Variants in ZNF469 observed in about 807,000 individuals in gnomAD.
ZNF469 encodes the protein zinc finger protein 469.
Under a neutral mutation model 1.0 loss-of-function variants are expected in ZNF469, and 1 was observed. That is an observed-to-expected ratio of 1.00 (90% CI 0.35 to 4.73). The LOEUF is 4.73. ZNF469 is among the 30% of genes most tolerant of loss of function. The pLI is 0.16. For synonymous variants in ZNF469, 2,703 were observed against 2,363.4 expected, an observed-to-expected ratio of 1.14 and a Z score of -4.17; for missense variants, 6,100 against 5,356.3, an observed-to-expected ratio of 1.14 and a Z score of -4.33.
the ZNF469 span, among the ~76,000 whole-genome samples, chr16:88,372,069 CACCATCACCACCATCAT>C: frequency 3.3e-3 from 29 of 8,898 alleles, no homozygotes; most frequent in Non-Finnish European, 6.8e-3. Context: ...CCACCATCAT[CACCATCACCACCATCAT>C]CACCATCACC....
chr16:88,360,381 T>C, the ZNF469 span, among the ~76,000 whole-genome samples: 2 of 152,170 alleles, frequency 1.3e-5, no homozygotes, highest in Non-Finnish European at 2.9e-5. Context: ...CGCCATTCAG[T>C]GAGGTCCAAT....
chr16:88,429,110 T>C lies in ZNF469; in HGVS notation c.1640T>C (p.Leu547Pro), dbSNP rs1905926907. 6.5e-7 allele frequency: 1 copy of C among 1,549,910 alleles called. No individual in the cohort carries two copies. The highest frequency in any genetic ancestry group is 8.7e-7 in the Non-Finnish European group (1 of 1,146,860). The change falls in exon 3 of 3, where the codon CTG becomes CCG. Residue 547 changes from leucine to proline, a missense_variant. By Grantham distance (98) the Leu-to-Pro change is moderately conservative. Coordinates refer to ENST00000565624, the MANE Select transcript of ZNF469 (RefSeq NM_001367624.2). ...VRSSQGGSPA[L>P]FTYNGMTDPG... ...AGCAGCCAGGGCGGCTCCCCAGCAC[T>C]GTTCACCTACAACGGAATGACAGAC... is the stretch of plus-strand genomic sequence containing the variant.
chr16:88,434,580 G>A lies in ZNF469; in HGVS notation c.7110G>A (p.Met2370Ile). Residue 2370 changes from methionine (M) to isoleucine (I), a missense_variant, in exon 3 of 3, where the codon ATG (methionine) becomes ATA (isoleucine). Physicochemically the swap from Met to Ile is conservative, Grantham distance 10. Coordinates refer to ENST00000565624, the MANE Select transcript of ZNF469 (RefSeq NM_001367624.2). The stretch of plus-strand genomic sequence containing the variant: ...CCCCCGCCTGCCTGGAAGGTGAGAT[G>A]GGGACCAGCAGCAAGGAGCCGGAGG... ...PDSPACLEGE[M>I]GTSSKEPEDP... 6.5e-7 allele frequency: 1 copy of A among 1,550,334 alleles called. No homozygotes were observed. The highest frequency in any genetic ancestry group is 8.7e-7 in the Non-Finnish European group (1 of 1,146,934).
chr16:88,326,573 G>C, the ZNF469 span, among the ~76,000 whole-genome samples: 1 of 152,156 alleles, frequency 6.6e-6, no homozygotes, highest in Admixed American at 6.5e-5. Context: ...GACACTGCTG[G>C]GCAGGACACC....
chr16:88,153,571 G>A, the ZNF469 span, among the ~76,000 whole-genome samples: 2 of 152,230 alleles, frequency 1.3e-5, no homozygotes, highest in African/African-American at 4.8e-5. Flanking sequence ...GGCACGTGCA[G>A]GCGAGAAGGT....
the ZNF469 span, among the ~76,000 whole-genome samples, chr16:88,247,658 GTGAA>G: frequency 6.7e-4 from 101 of 151,430 alleles, no homozygotes; most frequent in East Asian, 0.019. Context: ...GAGTGAGTGA[GTGAA>G]TGAGTGAATC....
At chr16:88,357,022 C>T in the ZNF469 span, among the ~76,000 whole-genome samples, 1 of 152,256 alleles carries the variant, frequency 6.6e-6, no homozygotes, top group Non-Finnish European at 1.5e-5. Flanking sequence ...GGGGGAGCTG[C>T]AGGGTGCCCG....
At chr16:88,183,105 C>G in the ZNF469 span, among the ~76,000 whole-genome samples, 2 of 152,174 alleles carry the variant, frequency 1.3e-5, no homozygotes, top group Non-Finnish European at 2.9e-5. Flanking sequence ...GAAATAATAC[C>G]TAAGATGTTT....
At chr16:88,140,338 C>T in the ZNF469 span, among the ~76,000 whole-genome samples, 1 of 149,062 alleles carries the variant, frequency 6.7e-6, no homozygotes, top group Non-Finnish European at 1.5e-5. Context: ...GAGGGTAGCA[C>T]GGAGGAAAGG....
the ZNF469 span, among the ~76,000 whole-genome samples, chr16:88,229,670 CGT>C: frequency 3.3e-5 from 5 of 151,160 alleles, no homozygotes; most frequent in African/African-American, 1.2e-4. Context: ...GTGGATGTCG[CGT>C]GTGTGCTGAT....
chr16:88,315,340 T>C, the ZNF469 span, among the ~76,000 whole-genome samples: 1 of 152,214 alleles, frequency 6.6e-6, no homozygotes, highest in Non-Finnish European at 1.5e-5. Flanking sequence ...CCATCCTGTG[T>C]GTCACTGTTG....
chr16:88,165,730 C>G, the ZNF469 span, among the ~76,000 whole-genome samples: 3 of 152,326 alleles, frequency 2.0e-5, no homozygotes, highest in East Asian at 3.9e-4. Context: ...ATCTCCAGAA[C>G]TTATTTGATT....
At chr16:88,186,474 C>T in the ZNF469 span, among the ~76,000 whole-genome samples, 2 of 152,314 alleles carry the variant, frequency 1.3e-5, no homozygotes, top group South Asian at 4.2e-4. Flanking sequence ...GCTCCCATCA[C>T]GTGCCGGGAG....
chr16:88,248,324 A>T, the ZNF469 span, among the ~76,000 whole-genome samples: 1 of 152,244 alleles, frequency 6.6e-6, no homozygotes, highest in Non-Finnish European at 1.5e-5. Context: ...AGGCGGTCAA[A>T]TGGATCCGTG....
the ZNF469 span, among the ~76,000 whole-genome samples, chr16:88,357,404 C>G: frequency 5.9e-5 from 9 of 152,332 alleles, no homozygotes; most frequent in African/African-American, 2.2e-4. Flanking sequence ...ACCCCCAGAC[C>G]CTGGATGAAG....
chr16:88,161,904 G>A, the ZNF469 span, among the ~76,000 whole-genome samples: 1 of 152,200 alleles, frequency 6.6e-6, no homozygotes, highest in South Asian at 2.1e-4. Context: ...ACATTTTTAA[G>A]TTGGATATAT....
At chr16:88,372,317 T>TTAC in the ZNF469 span, among the ~76,000 whole-genome samples, 2 of 140,634 alleles carry the variant, frequency 1.4e-5, no homozygotes, top group Non-Finnish European at 3.1e-5. Flanking sequence ...ATTACCACCA[T>TTAC]CATCACCATC....
At chr16:88,122,121 GTGGCCACA>G in the ZNF469 span, among the ~76,000 whole-genome samples, 1 of 139,070 alleles carries the variant, frequency 7.2e-6, no homozygotes, top group Middle Eastern at 4.2e-3. Flanking sequence ...GTCACTCACT[GTGGCCACA>G]GTGGCCACTC....
the ZNF469 span, among the ~76,000 whole-genome samples, chr16:88,261,431 G>A: frequency 6.6e-6 from 1 of 152,128 alleles, no homozygotes; most frequent in Non-Finnish European, 1.5e-5. This position sits in a 1 kb window ranked among gnomAD's most constrained non-coding sequence, Gnocchi z 6.0. Flanking sequence ...AGTAGGTCAT[G>A]CCCCCCGCTG....
Sources: gnomAD v4.1 joint callset for allele counts (sites outside exome capture counted in the v4.1 genomes callset) on GRCh38, gnomAD v4.1.1 for gene constraint, Gnocchi (gnomAD v3.1) non-coding constraint, MANE v1.5 for transcripts, NCBI Gene and HGNC (gene_info 2026-07-23, HGNC 2026-07-21) for gene names.